Variants in GRIK3 observed in about 807,000 individuals in gnomAD.
GRIK3 encodes glutamate receptor ionotropic, kainate 3.
GRIK3 carries 29 observed loss-of-function variants against 102.5 expected under a neutral mutation model. That is an observed-to-expected ratio of 0.28 (90% CI 0.21 to 0.39). The LOEUF is 0.39. Among genes scored for constraint, GRIK3 ranks in the 10% least tolerant of loss-of-function variants. The pLI is 1.00. For missense variants in GRIK3, 908 were observed against 1,252.4 expected (o/e 0.73, Z 4.15); for synonymous variants, 511 against 504.9 (o/e 1.01, Z -0.16).
chr1:36,829,410 T>G (rs1557695260), intron 10 of GRIK3, among the ~76,000 whole-genome samples: 1 of 139,528 alleles, frequency 7.2e-6, no homozygotes, highest in Non-Finnish European at 1.5e-5. Context: ...TTGTTTTTTG[T>G]TTTTTTTTTT....
At chr1:36,973,508 C>T (rs1197601631) in intron 1 of GRIK3, among the ~76,000 whole-genome samples, 3 of 151,182 alleles carry the variant, frequency 2.0e-5, no homozygotes, top group Non-Finnish European at 4.4e-5. Flanking sequence ...CAACCTCCAC[C>T]TCCCGGGTTC....
chr1:36,892,733 C>T (rs2124274619), intron 1 of GRIK3, among the ~76,000 whole-genome samples: 1 of 152,214 alleles, frequency 6.6e-6, no homozygotes, highest in South Asian at 2.1e-4. Context: ...ATGACCAAAA[C>T]ATGTTTTAAA....
chr1:36,802,077 AG>A (rs747414265), intron 15 of GRIK3, 32 bp from the exon 16 acceptor site: 2 of 1,507,784 alleles, frequency 1.3e-6, no homozygotes, highest in Admixed American at 1.8e-5. Context: ...GGGTCGGAAA[AG>A]GGGCACAGAG....
chr1:36,828,309 G>A (rs1188522818), intron 10 of GRIK3, among the ~76,000 whole-genome samples: 5 of 152,252 alleles, frequency 3.3e-5, no homozygotes, highest in African/African-American at 1.2e-4. Flanking sequence ...AGAACTTGGC[G>A]TCCCCAAGTC....
intron 1 of GRIK3, among the ~76,000 whole-genome samples, chr1:36,918,937 G>A (rs1641436166): frequency 6.6e-6 from 1 of 152,222 alleles, no homozygotes; most frequent in Non-Finnish European, 1.5e-5. Flanking sequence ...GCCAAGGACT[G>A]TTCCAGGCAC....
chr1:36,903,782 A>G (rs1003271557), intron 1 of GRIK3, among the ~76,000 whole-genome samples: 5 of 148,740 alleles, frequency 3.4e-5, no homozygotes, highest in African/African-American at 1.0e-4. Flanking sequence ...TGGAGATAGT[A>G]AAAAAAAGCA....
intron 5 of GRIK3, 73 bp downstream of exon 5, chr1:36,869,675 A>G: frequency 8.5e-7 from 1 of 1,178,268 alleles, no homozygotes; most frequent in Non-Finnish European, 1.3e-6. Context: ...GGGCTGGCCC[A>G]GGCTAAGCCA....
intron 3 of GRIK3, among the ~76,000 whole-genome samples, chr1:36,877,978 T>C (rs186787062): frequency 6.6e-6 from 1 of 152,382 alleles, no homozygotes; most frequent in Non-Finnish European, 1.5e-5. Flanking sequence ...GAAGACAGGA[T>C]AACAACATCT....
rs1642441436 is a variant in GRIK3, at chr1:36,998,396, C to T, written c.115+35598G>A. ...AGGGCTTGTAACTTAGCATTGCCTTCCCAGTAAGACTGTGGACTCCACAAG... is the reference window on the plus strand; with the variant it reads ...AGGGCTTGTAACTTAGCATTGCCTTTCCAGTAAGACTGTGGACTCCACAAG... On this transcript the variant is annotated intron_variant, in intron 1 of 15. Transcript: ENST00000373091. Among the ~76,000 whole-genome samples the T allele has an allele frequency of 2.6e-5, 4 of 152,214 alleles. No homozygotes were observed. In the South Asian group the frequency reaches 8.3e-4, roughly 32 times the overall value.
At chr1:36,984,084 G>A (rs61768876) in intron 1 of GRIK3, among the ~76,000 whole-genome samples, 14,753 of 152,284 alleles carry the variant, frequency 0.097, 926 homozygotes, top group Non-Finnish European at 0.14. Context: ...ACACACAGGC[G>A]AAGAGCCTTG....
At chr1:36,803,201 C>T (rs1487879200) in intron 15 of GRIK3, among the ~76,000 whole-genome samples, 7 of 151,984 alleles carry the variant, frequency 4.6e-5, no homozygotes, top group Non-Finnish European at 1.0e-4. Context: ...GGAACTGAAA[C>T]AAGAATGACC....
intron 10 of GRIK3, among the ~76,000 whole-genome samples, chr1:36,834,553 C>G (rs1205526924): frequency 1.3e-5 from 2 of 152,108 alleles, no homozygotes; most frequent in African/African-American, 2.4e-5. Flanking sequence ...GCCTCCTGAG[C>G]TGATGGATGT....
chr1:36,912,659 G>A (rs554960752), intron 1 of GRIK3, among the ~76,000 whole-genome samples: 77 of 152,140 alleles, frequency 5.1e-4, no homozygotes, highest in African/African-American at 1.7e-3. Context: ...CACACATGGT[G>A]GGGGGCTGCG....
At chr1:36,889,111 C>T (rs1202754674) in intron 2 of GRIK3, among the ~76,000 whole-genome samples, 1 of 151,988 alleles carries the variant, frequency 6.6e-6, no homozygotes, top group Non-Finnish European at 1.5e-5. Flanking sequence ...ACAATAATCA[C>T]ATGACCTCTC....
chr1:36,887,446 G>T (rs1247169865), intron 2 of GRIK3, among the ~76,000 whole-genome samples: 2 of 152,058 alleles, frequency 1.3e-5, no homozygotes, highest in Non-Finnish European at 2.9e-5. Context: ...TCCAACAAAG[G>T]ATGCAATAAT....
intron 2 of GRIK3, among the ~76,000 whole-genome samples, chr1:36,883,910 G>A (rs1440685750): frequency 6.6e-6 from 1 of 152,170 alleles, no homozygotes; most frequent in African/African-American, 2.4e-5. Context: ...ATATAAAGAA[G>A]TTATTTTTCC....
intron 7 of GRIK3, among the ~76,000 whole-genome samples, chr1:36,856,896 C>T (rs113239553): frequency 6.6e-6 from 1 of 152,088 alleles, no homozygotes; most frequent in African/African-American, 2.4e-5. Flanking sequence ...GGTAGTGGAA[C>T]CCCATTAGCA....
chr1:36,882,613 T>A (rs1183530936), intron 2 of GRIK3, among the ~76,000 whole-genome samples: 1 of 152,066 alleles, frequency 6.6e-6, no homozygotes, highest in East Asian at 1.9e-4. Context: ...ACCTTCCTAG[T>A]TCACAGCCAT....
chr1:36,885,037 G>A (rs1223961438), intron 2 of GRIK3, among the ~76,000 whole-genome samples: 1 of 152,220 alleles, frequency 6.6e-6, no homozygotes, highest in Non-Finnish European at 1.5e-5. Flanking sequence ...TTATGACAAA[G>A]GCAACTGAAA....
Sources: gnomAD v4.1 joint callset for allele counts (sites outside exome capture counted in the v4.1 genomes callset) on GRCh38, gnomAD v4.1.1 for gene constraint, MANE v1.5 for transcripts, NCBI Gene and HGNC (gene_info 2026-07-23, HGNC 2026-07-21) for gene names.